The following KIF26B variants were observed in gnomAD, a reference collection of about 807,000 sequenced individuals.
KIF26B encodes the protein kinesin-like protein KIF26B.
A neutral mutation model predicts 151.2 loss-of-function variants in KIF26B; 63 were observed. The observed-to-expected ratio is 0.42, with a 90% CI of 0.34 to 0.51. KIF26B has a LOEUF of 0.51. Among genes scored for constraint, KIF26B ranks in the 20% least tolerant of loss-of-function variants. KIF26B has a pLI of 0.07. For synonymous variants in KIF26B, 1,357 were observed against 1,262.1 expected (o/e 1.08, Z -1.59); for missense variants, 2,813 against 2,913.6 (o/e 0.97, Z 0.79).
intron 10 of KIF26B, among the ~76,000 whole-genome samples, chr1:245,647,354 G>A (rs1002823151): frequency 6.6e-6 from 1 of 150,576 alleles, no homozygotes; most frequent in Non-Finnish European, 1.5e-5. Context: ...GAAACCAGGA[G>A]GCGGAGCTTG....
intron 3 of KIF26B, among the ~76,000 whole-genome samples, chr1:245,396,673 T>C (rs1029785474): frequency 2.0e-5 from 3 of 152,048 alleles, no homozygotes; most frequent in African/African-American, 7.2e-5. Context: ...ACAACAACTA[T>C]TTGACTTTTG....
chr1:245,600,381 G>A (rs2043383808), intron 5 of KIF26B, among the ~76,000 whole-genome samples: 1 of 151,412 alleles, frequency 6.6e-6, no homozygotes, highest in Non-Finnish European at 1.5e-5. Flanking sequence ...CACCCAGGCT[G>A]GAGTGCAGTG....
chr1:245,706,387 T>C lies in KIF26B; in HGVS notation c.*3781T>C, dbSNP rs1053431652. On this transcript the variant is annotated 3_prime_UTR_variant, in exon 15 of 15. Coordinates refer to ENST00000407071, the MANE Select transcript of KIF26B (RefSeq NM_018012.4). ...AAGGCAAGGCTGACAAATCTGCAGATTTGTTCAATGCAAACACAGCCGTCT... is the reference window on the plus strand; with the variant it reads ...AAGGCAAGGCTGACAAATCTGCAGACTTGTTCAATGCAAACACAGCCGTCT... 2.6e-5 allele frequency: 4 copies of C among 152,216 alleles called. No homozygotes were observed. Among genetic ancestry groups the C allele is most frequent in the Non-Finnish European group, 5.9e-5 (4 of 68,034 alleles). 9.4% of individuals were successfully genotyped at this position (152,216 alleles called of 1,614,324 possible).
At chr1:245,611,665 C>A (rs891235946) in intron 8 of KIF26B, 128 bp from the exon 9 acceptor site, 3 of 868,038 alleles carry the variant, frequency 3.5e-6, no homozygotes, top group Non-Finnish European at 5.2e-6. Flanking sequence ...GGTTTTCAGC[C>A]TTAGAGGGGC....
chr1:245,419,447 G>A (rs192256773), intron 3 of KIF26B, 132 bp from the exon 4 acceptor site: 23 of 692,002 alleles, frequency 3.3e-5, no homozygotes, highest in Admixed American at 6.7e-5. Flanking sequence ...AAGCATCCAC[G>A]TGTAACTGAA....
At chr1:245,674,958 G>T (rs1333157621) in intron 10 of KIF26B, among the ~76,000 whole-genome samples, 2 of 152,140 alleles carry the variant, frequency 1.3e-5, no homozygotes, top group South Asian at 4.1e-4. Flanking sequence ...ACTGTCACGT[G>T]TGACAACTGC....
rs1661605072 is a variant in KIF26B, at chr1:245,540,920, C to T, written c.1320C>T (p.Asn440=). 4 of 1,613,880 alleles carry T rather than the reference C, an allele frequency of 2.5e-6. No individual in the cohort carries two copies. The highest frequency in any genetic ancestry group is 3.4e-6 in the Non-Finnish European group (4 of 1,179,804). ...CACCCTGCCTGCTGAGGGCTGTCAA[C>T]AAGGTGAAGGACACCCCGGGGCTGG... The part of the protein sequence containing the change: ...PAPPCLLRAV[N]KVKDTPGLGK... The change falls in exon 5 of 15, where the codon AAC becomes AAT. Residue 440 remains asparagine, a synonymous_variant. Coordinates refer to ENST00000407071, the MANE Select transcript of KIF26B (RefSeq NM_018012.4). This position sits in a 1 kb window ranked among gnomAD's most constrained non-coding sequence, Gnocchi z 4.6.
Position 245,277,626 on chromosome 1 carries a change from A to G in KIF26B, c.466-89208A>G, listed in dbSNP as rs113442124. ...AATATAGGATTTTGTTTGAAAACAA[A>G]CAAACAAAAACCACTTAAAAAAAAA... is the stretch of plus-strand genomic sequence containing the variant. On this transcript the variant is annotated intron_variant, in intron 2 of 14. Coordinates refer to ENST00000407071, the MANE Select transcript of KIF26B (RefSeq NM_018012.4). Among the ~76,000 whole-genome samples the G allele has an allele frequency of 2.1e-3, 321 of 152,250 alleles. 2 individuals carry two copies. Among genetic ancestry groups the G allele is most frequent in the African/African-American group, 7.4e-3 (309 of 41,584 alleles).
intron 2 of KIF26B, among the ~76,000 whole-genome samples, chr1:245,293,355 G>A (rs1232978832): frequency 3.3e-5 from 5 of 151,980 alleles, no homozygotes; most frequent in Admixed American, 6.6e-5. Context: ...TTGTGGGGTT[G>A]GACCCTTGCA....
At chr1:245,207,994 G>A (rs1342375417) in intron 2 of KIF26B, among the ~76,000 whole-genome samples, 1 of 152,142 alleles carries the variant, frequency 6.6e-6, no homozygotes, top group African/African-American at 2.4e-5. Context: ...CGCGGAGGTG[G>A]GCTGTGTGCC....
At chr1:245,294,190 A>G (rs1484690863) in intron 2 of KIF26B, among the ~76,000 whole-genome samples, 1 of 152,162 alleles carries the variant, frequency 6.6e-6, no homozygotes, top group Non-Finnish European at 1.5e-5. Flanking sequence ...AAGGTGGCAC[A>G]GTTGTGTTGG....
At chr1:245,336,162 G>GGTCCCACGCAGGGAAAGGAGA (rs1672229238) in intron 2 of KIF26B, among the ~76,000 whole-genome samples, 1 of 147,114 alleles carries the variant, frequency 6.8e-6, no homozygotes, top group Non-Finnish European at 1.5e-5. Context: ...AGGGAAAGAA[G>GGTCCCACGCAGGGAAAGGAGA]GTCCCACGCA....
chr1:245,294,882 C>T (rs148480593), intron 2 of KIF26B, among the ~76,000 whole-genome samples: 1,823 of 152,190 alleles, frequency 0.012, 14 homozygotes, highest in Non-Finnish European at 0.019. Context: ...AGGCTGGTCT[C>T]GAACTCCTGA....
intron 10 of KIF26B, among the ~76,000 whole-genome samples, chr1:245,671,575 G>A (rs1289434798): frequency 2.0e-5 from 3 of 152,276 alleles, no homozygotes; most frequent in Admixed American, 6.5e-5. Flanking sequence ...CAATGTGAAC[G>A]GGCGCAATGC....
chr1:245,585,589 C>CT (rs996938513), intron 5 of KIF26B, among the ~76,000 whole-genome samples: 1 of 152,096 alleles, frequency 6.6e-6, no homozygotes, highest in Non-Finnish European at 1.5e-5. Flanking sequence ...CCAGTATGTT[C>CT]TATTCCATGG....
At chr1:245,369,849 T>C (rs1673067420) in intron 3 of KIF26B, among the ~76,000 whole-genome samples, 1 of 152,214 alleles carries the variant, frequency 6.6e-6, no homozygotes, top group Non-Finnish European at 1.5e-5. Flanking sequence ...CCCCTAGACT[T>C]TTGGATAGAA....
rs374660734 is a variant in KIF26B, at chr1:245,687,321, G to T, written c.4338G>T (p.Glu1446Asp). 1.6e-5 allele frequency: 25 copies of T among 1,602,476 alleles called. No individual in the cohort carries two copies. Among genetic ancestry groups the T allele is most frequent in the Non-Finnish European group, 2.0e-5 (24 of 1,175,082 alleles). Residue 1446 changes from glutamate to aspartate, a missense_variant, in exon 12 of 15, where the codon GAG (glutamate) becomes GAT (aspartate). Around this residue, in one of 3 missense-constraint regions of KIF26B, gnomAD observed 2,060 missense variants for 2,088.6 expected, o/e 0.99. Coordinates refer to ENST00000407071, the MANE Select transcript of KIF26B (RefSeq NM_018012.4). This position sits in a 1 kb window ranked among gnomAD's most constrained non-coding sequence, Gnocchi z 4.9. ...AGGACCCGTGGCTGAAACGAGAAGA[G>T]GAAGTGAAAAAAGAGACGGCTCATC... ...KFEDPWLKRE[E>D]EVKKETAHPN...
intron 2 of KIF26B, among the ~76,000 whole-genome samples, chr1:245,357,476 C>T (rs115467205): frequency 0.014 from 2,166 of 152,216 alleles, 37 homozygotes; most frequent in East Asian, 0.043. Flanking sequence ...CGCGGAAGAG[C>T]GGGGCCTTAG....
intron 4 of KIF26B, among the ~76,000 whole-genome samples, chr1:245,471,216 C>T (rs996109531): frequency 1.8e-4 from 28 of 152,062 alleles, no homozygotes; most frequent in Non-Finnish European, 4.0e-4. Flanking sequence ...CTGCAACCTC[C>T]ACCTCCCAGG....
Sources: gnomAD v4.1 joint callset for allele counts (sites outside exome capture counted in the v4.1 genomes callset) on GRCh38, gnomAD v4.1.1 for gene constraint, gnomAD v4.1.1 regional missense constraint, Gnocchi (gnomAD v3.1) non-coding constraint, MANE v1.5 for transcripts, NCBI Gene and HGNC (gene_info 2026-07-23, HGNC 2026-07-21) for gene names.